Variants in PPIG observed in about 807,000 individuals in gnomAD.
PPIG encodes the protein peptidyl-prolyl cis-trans isomerase G.
PPIG carries 26 observed loss-of-function variants against 87.9 expected under a neutral mutation model. The ratio of observed to expected loss-of-function variants is 0.30; its 90% CI spans 0.22 to 0.41. The LOEUF (loss-of-function observed/expected upper bound fraction) is 0.41, where lower values mean the gene tolerates loss of function less well. Ranked by LOEUF, PPIG falls within the 10% of genes least tolerant of loss-of-function variation. PPIG has a pLI of 1.00. For synonymous variants in PPIG, 308 were observed against 276.5 expected (o/e 1.11, Z -1.13); for missense variants, 722 against 879.4 (o/e 0.82, Z 2.26).
chr2:169,604,389 T>A, intron 4 of PPIG, 128 bp downstream of exon 4: 1 of 762,550 alleles, frequency 1.3e-6, no homozygotes, highest in Non-Finnish European at 2.0e-6. Flanking sequence ...CCAACTGGAC[T>A]AGAACTCCTG....
At chr2:169,586,800 T>C (rs759094644) in intron 1 of PPIG, among the ~76,000 whole-genome samples, 12 of 152,252 alleles carry the variant, frequency 7.9e-5, no homozygotes, top group Non-Finnish European at 1.5e-4. Flanking sequence ...AACATAATTA[T>C]AACATGTTGT....
rs761804023 is a variant in PPIG at position 169,633,264 on chromosome 2, C to G, written c.1017+17C>G. 4.0e-6 allele frequency: 6 copies of G among 1,505,972 alleles called. No homozygotes were observed. Among genetic ancestry groups the G allele is most frequent in the Non-Finnish European group, 5.5e-6 (6 of 1,085,762 alleles). 93.3% of individuals were successfully genotyped at this position (1,505,972 alleles called of 1,614,324 possible). A position where few individuals can be genotyped will look rare whatever the true frequency, so the allele number is the denominator to read the frequency against. On this transcript the variant is annotated intron_variant, in intron 12 of 13. Coordinates refer to ENST00000260970, the MANE Select transcript of PPIG (RefSeq NM_004792.3). The stretch of plus-strand genomic sequence containing the variant: ...GGACCAAGGGTAGGTGATTCTTTCC[C>G]CAGAGATCTTCACAATATTGCATTT...
intron 1 of PPIG, among the ~76,000 whole-genome samples, chr2:169,603,160 CATAGCAT>C (rs1685230064): frequency 6.6e-6 from 1 of 152,096 alleles, no homozygotes; most frequent in Non-Finnish European, 1.5e-5. Flanking sequence ...ACATAGCGTA[CATAGCAT>C]ATGAAACTGT....
chr2:169,588,954 C>A (rs1203220887), intron 1 of PPIG, among the ~76,000 whole-genome samples: 1 of 110,896 alleles, frequency 9.0e-6, no homozygotes, highest in Non-Finnish European at 1.8e-5. Flanking sequence ...ACGAAACTCC[C>A]TCTCAAAAAA....
intron 9 of PPIG, among the ~76,000 whole-genome samples, chr2:169,627,704 CTTTTTTTT>C (rs777197172): frequency 3.9e-5 from 4 of 101,930 alleles, no homozygotes; most frequent in Admixed American, 2.0e-4. Flanking sequence ...AGTGGGCTTG[CTTTTTTTT>C]TTTTTTTTTT....
Position 169,599,143 on chromosome 2 carries a change from A to G in PPIG, c.-69-4499A>G, listed in dbSNP as rs540335659. ...ATGGATATTTGTTGTCAAATTGGCA[A>G]TCAAGTAATTCTATCAGTTTATCCC... On this transcript the variant is annotated intron_variant, in intron 1 of 13. Transcript: ENST00000260970. 6.6e-5 allele frequency among the ~76,000 whole-genome samples: 10 copies of G among 152,258 alleles called. No homozygotes were observed. In the East Asian group the frequency reaches 1.9e-3, roughly 29 times the overall value.
chr2:169,617,530 C>G (rs896602057), intron 9 of PPIG, among the ~76,000 whole-genome samples: 1 of 152,158 alleles, frequency 6.6e-6, no homozygotes, highest in African/African-American at 2.4e-5. Context: ...TCTCTTATTT[C>G]CTTGAGCAGT....
chr2:169,640,865 G>A lies in PPIG; in HGVS notation c.*3342G>A, dbSNP rs184708737. On this transcript the variant is annotated 3_prime_UTR_variant, in exon 14 of 14. Transcript: ENST00000260970. ...TCTTTGGCCTATTGTGTGACAAAGA[G>A]GTATATATTAAAGGAAAAGAAAAAT... 3.9e-5 allele frequency: 6 copies of A among 152,144 alleles called. No individual in the cohort carries two copies. In the East Asian group the frequency reaches 1.2e-3, roughly 29 times the overall value. 9.4% of individuals were successfully genotyped at this position (152,144 alleles called of 1,614,324 possible). A position where few individuals can be genotyped will look rare whatever the true frequency, so the allele number is the denominator to read the frequency against.
chr2:169,603,793 C>T, intron 2 of PPIG, 99 bp downstream of exon 2: 3 of 499,646 alleles, frequency 6.0e-6, no homozygotes, highest in Non-Finnish European at 1.1e-5. Context: ...AAGTTGATTA[C>T]ATAATAATGG....
At chr2:169,630,200 T>C (rs1217087109) in intron 9 of PPIG, among the ~76,000 whole-genome samples, 1 of 152,118 alleles carries the variant, frequency 6.6e-6, no homozygotes, top group African/African-American at 2.4e-5. Context: ...AAAATTTCAA[T>C]TTAAAATGAC....
At chr2:169,605,833 G>C (rs904533890) in intron 4 of PPIG, among the ~76,000 whole-genome samples, 1 of 151,950 alleles carries the variant, frequency 6.6e-6, no homozygotes, top group African/African-American at 2.4e-5. Flanking sequence ...TAGTTGTAAA[G>C]GTATATTATT....
intron 4 of PPIG, 113 bp downstream of exon 4, chr2:169,604,374 G>A (rs919273224): frequency 7.8e-5 from 66 of 844,716 alleles, no homozygotes; most frequent in Middle Eastern, 3.8e-4. Flanking sequence ...ATCTTGCAAC[G>A]TTGTCCAACT....
chr2:169,607,596 A>G (rs1202518809), intron 6 of PPIG, among the ~76,000 whole-genome samples: 2 of 152,220 alleles, frequency 1.3e-5, no homozygotes, highest in Admixed American at 6.5e-5. Flanking sequence ...TGTGAAGACC[A>G]TTTGGAAAAT....
chr2:169,631,667 A>G, intron 10 of PPIG, 99 bp from the exon 11 acceptor site: 1 of 1,578,822 alleles, frequency 6.3e-7, no homozygotes, highest in Non-Finnish European at 8.5e-7. Context: ...GGATGTTTAT[A>G]TTATAGTGAT....
chr2:169,625,552 A>G (rs945622449), intron 9 of PPIG, among the ~76,000 whole-genome samples: 7 of 152,108 alleles, frequency 4.6e-5, no homozygotes, highest in Admixed American at 3.3e-4. Flanking sequence ...TTCAATTAGC[A>G]TTTCTCTGAG....
chr2:169,620,691 G>A (rs530118035), intron 9 of PPIG, among the ~76,000 whole-genome samples: 3 of 152,212 alleles, frequency 2.0e-5, no homozygotes, highest in South Asian at 4.1e-4. Context: ...TTATTTAGAC[G>A]AGACCATTTG....
At chr2:169,613,808 C>A (rs1038858733) in intron 7 of PPIG, among the ~76,000 whole-genome samples, 1 of 152,142 alleles carries the variant, frequency 6.6e-6, no homozygotes, top group African/African-American at 2.4e-5. Flanking sequence ...CACCTATAGT[C>A]CCAGCTACTT....
intron 7 of PPIG, among the ~76,000 whole-genome samples, 190 bp from the exon 8 acceptor site, chr2:169,614,274 C>G (rs1685559762): frequency 6.6e-6 from 1 of 152,140 alleles, no homozygotes; most frequent in South Asian, 2.1e-4. Flanking sequence ...TTGATAAATA[C>G]ATTATGTGGA....
chr2:169,589,861 A>G (rs2460862), intron 1 of PPIG, among the ~76,000 whole-genome samples: 61,346 of 152,010 alleles, frequency 0.4, 13,028 homozygotes, highest in East Asian at 0.58. Flanking sequence ...TGTAATCCCA[A>G]CACTTTGGGA....
Sources: gnomAD v4.1 joint callset for allele counts (sites outside exome capture counted in the v4.1 genomes callset) on GRCh38, gnomAD v4.1.1 for gene constraint, MANE v1.5 for transcripts, NCBI Gene and HGNC (gene_info 2026-07-23, HGNC 2026-07-21) for gene names.